The following CDK14 variants were observed in gnomAD, a reference collection of about 807,000 sequenced individuals.
CDK14 encodes the protein cyclin-dependent kinase 14.
CDK14 carries 34 observed loss-of-function variants against 60.7 expected under a neutral mutation model. That is an observed-to-expected ratio of 0.56 (90% CI 0.43 to 0.75). CDK14 has a LOEUF of 0.75. Among genes scored for constraint, CDK14 ranks in the 30% least tolerant of loss-of-function variants. The pLI, the probability that CDK14 is intolerant of heterozygous loss-of-function variation, is 0.00. For missense variants in CDK14, 482 were observed against 564.1 expected (o/e 0.85, Z 1.47); for synonymous variants, 197 against 203.7 (o/e 0.97, Z 0.28).
intron 10 of CDK14, among the ~76,000 whole-genome samples, chr7:91,023,098 G>T (rs1796478199): frequency 6.6e-6 from 1 of 152,010 alleles, no homozygotes; most frequent in African/African-American, 2.4e-5. Flanking sequence ...GTGAAACTTG[G>T]TGTTTCTTGA....
At chr7:90,998,618 G>A (rs989915701) in intron 10 of CDK14, among the ~76,000 whole-genome samples, 1 of 152,240 alleles carries the variant, frequency 6.6e-6, no homozygotes, top group African/African-American at 2.4e-5. Flanking sequence ...GCCGGGCGCG[G>A]TGGCTCACGC....
intron 7 of CDK14, among the ~76,000 whole-genome samples, chr7:90,901,544 T>C (rs970896301): frequency 1.3e-5 from 2 of 152,244 alleles, no homozygotes; most frequent in African/African-American, 4.8e-5. Flanking sequence ...ATCTTTGATT[T>C]GTTGAGGATC....
At chr7:90,944,078 C>T (rs1358146677) in intron 8 of CDK14, among the ~76,000 whole-genome samples, 3 of 152,118 alleles carry the variant, frequency 2.0e-5, no homozygotes, top group Admixed American at 6.5e-5. Flanking sequence ...CCCTTTTGTA[C>T]GTGCACACTT....
At chr7:90,736,092 C>A (rs988611574) in intron 3 of CDK14, among the ~76,000 whole-genome samples, 4 of 151,272 alleles carry the variant, frequency 2.6e-5, no homozygotes, top group Non-Finnish European at 5.9e-5. Flanking sequence ...ATCCCTTTAC[C>A]CCTTGCGCTT....
chr7:91,041,158 G>A (rs776827172), intron 10 of CDK14, among the ~76,000 whole-genome samples: 18 of 148,636 alleles, frequency 1.2e-4, no homozygotes, highest in Non-Finnish European at 1.8e-4. Flanking sequence ...GACCTCCACG[G>A]ATAAGATGAG....
intron 2 of CDK14, among the ~76,000 whole-genome samples, chr7:90,697,580 C>G (rs998989204): frequency 6.6e-6 from 1 of 152,112 alleles, no homozygotes; most frequent in African/African-American, 2.4e-5. Context: ...TACATAGTGC[C>G]TTTGAATTAT....
intron 10 of CDK14, among the ~76,000 whole-genome samples, chr7:91,017,829 A>G (rs1796339760): frequency 6.6e-6 from 1 of 152,202 alleles, no homozygotes; most frequent in Non-Finnish European, 1.5e-5. Context: ...CTTTTGAATT[A>G]CAGGGCCACT....
intron 9 of CDK14, among the ~76,000 whole-genome samples, chr7:90,967,409 G>T (rs1794784918): frequency 6.6e-6 from 1 of 152,112 alleles, no homozygotes; most frequent in Non-Finnish European, 1.5e-5. Context: ...ACTACTAAGG[G>T]TCTTTGTCAT....
chr7:90,645,607 T>A (rs1800448291), intron 2 of CDK14, among the ~76,000 whole-genome samples: 1 of 152,154 alleles, frequency 6.6e-6, no homozygotes, highest in Non-Finnish European at 1.5e-5. Flanking sequence ...CCTTTTTTTT[T>A]AGAGATGAGA....
intron 14 of CDK14, among the ~76,000 whole-genome samples, chr7:91,124,346 C>A (rs1301495218): frequency 1.3e-5 from 2 of 152,190 alleles, no homozygotes; most frequent in African/African-American, 4.8e-5. Context: ...TCTCCGCCAT[C>A]ACATACAAAT....
chr7:90,848,130 C>G (rs984520752), intron 5 of CDK14, among the ~76,000 whole-genome samples: 1 of 151,544 alleles, frequency 6.6e-6, no homozygotes, highest in African/African-American at 2.4e-5. Flanking sequence ...GACAGAGAGT[C>G]TTAACCTGTC....
rs1332169670 is a variant in CDK14, at chr7:91,178,290, C to T, written c.*29-28875C>T. ...AAGCTGAAACTGGATCCCTTCCTTA[C>T]ACCTTATACAAAAATGAATTCAAGA... is the stretch of plus-strand genomic sequence containing the variant. On this transcript the variant is annotated intron_variant, in intron 14 of 14. Coordinates refer to ENST00000380050, the MANE Select transcript of CDK14 (RefSeq NM_001287135.2). Among the ~76,000 whole-genome samples the T allele has an allele frequency of 7.4e-5, 9 of 121,638 alleles. No individual in the cohort carries two copies. In the South Asian group the frequency reaches 8.6e-4, roughly 12 times the overall value. 79.8% of individuals were successfully genotyped at this position (121,638 alleles called of 152,430 possible).
At chr7:90,685,331 G>A (rs535145552) in intron 2 of CDK14, among the ~76,000 whole-genome samples, 14 of 152,000 alleles carry the variant, frequency 9.2e-5, no homozygotes, top group African/African-American at 3.4e-4. Flanking sequence ...GTCTTTTCCT[G>A]TGTCAGTACC....
At chr7:91,157,550 A>T (rs1381296601) in intron 14 of CDK14, among the ~76,000 whole-genome samples, 1 of 152,254 alleles carries the variant, frequency 6.6e-6, no homozygotes, top group African/African-American at 2.4e-5. Context: ...TAGCATGGCC[A>T]TTAGGAGTTC....
At chr7:91,117,493 C>T (rs1347831024) in intron 13 of CDK14, among the ~76,000 whole-genome samples, 1 of 152,116 alleles carries the variant, frequency 6.6e-6, no homozygotes, top group Non-Finnish European at 1.5e-5. Context: ...CCTCTTACCT[C>T]ATTTGATTCT....
At position 91,063,394 on chromosome 7, in the gene CDK14, C is replaced by T. The variant is rs566127448; in HGVS notation, c.1106-16038C>T. The stretch of plus-strand genomic sequence containing the variant: ...GATGATAAACTGACTACTAATTATT[C>T]GCTCCGGCGTAAGATCTGATAAGAT... On this transcript the variant is annotated intron_variant, in intron 11 of 14. Transcript: ENST00000380050. 3.2e-4 allele frequency among the ~76,000 whole-genome samples: 49 copies of T among 152,312 alleles called. No individual in the cohort carries two copies. In the East Asian group the frequency reaches 6.4e-3, roughly 20 times the overall value.
intron 5 of CDK14, among the ~76,000 whole-genome samples, chr7:90,798,541 T>C (rs1265349804): frequency 1.3e-5 from 2 of 152,206 alleles, no homozygotes; most frequent in Non-Finnish European, 2.9e-5. Context: ...TTCTGCTGTG[T>C]TGATCAATTT....
At chr7:90,974,475 G>C (rs567853037) in intron 9 of CDK14, among the ~76,000 whole-genome samples, 1 of 152,116 alleles carries the variant, frequency 6.6e-6, no homozygotes, top group African/African-American at 2.4e-5. Flanking sequence ...CACAATTTAT[G>C]TTCTTCTGCC....
intron 14 of CDK14, among the ~76,000 whole-genome samples, chr7:91,120,834 G>A (rs1307070638): frequency 2.6e-5 from 4 of 152,050 alleles, no homozygotes. Context: ...ACCGCGCCTG[G>A]CCCAATAAAG....
Sources: allele counts gnomAD v4.1 joint callset (sites outside exome capture counted in the v4.1 genomes callset), GRCh38; gene constraint gnomAD v4.1.1; transcripts MANE v1.5; gene names NCBI Gene and HGNC (gene_info 2026-07-23, HGNC 2026-07-21).